OTOF: variants seen among roughly 807,000 people sequenced by gnomAD.
OTOF encodes the protein fer-1-like family member 2.
In OTOF, 218 loss-of-function variants were observed where a neutral mutation model predicts 236.8. The observed-to-expected ratio is 0.92, with a 90% CI of 0.82 to 1.03. OTOF has a LOEUF of 1.03. OTOF is among the 50% of genes least tolerant of loss of function. The probability of loss-of-function intolerance (pLI) is 0.00; values close to 1 mark genes in which losing one functional copy is unlikely to be tolerated. For missense variants in OTOF, 2,590 were observed against 2,694.4 expected, an observed-to-expected ratio of 0.96 and a Z score of 0.86; for synonymous variants, 1,041 against 1,072.5, an observed-to-expected ratio of 0.97 and a Z score of 0.57.
At position 26,458,038 on chromosome 2, in the gene OTOF, C is replaced by CT. The variant is rs1664269613; in HGVS notation, c.*199dup. 1 of 1,611,500 alleles carries CT rather than the reference C, an allele frequency of 6.2e-7. No individual in the cohort carries two copies. The highest frequency in any genetic ancestry group is 8.5e-7 in the Non-Finnish European group (1 of 1,178,010). ...GGAGCGGCTGGCGGGAGCTGGCGGCCTTCATGCCCCAAGGAGCTTTTTGAC... is the reference window on the plus strand; with the variant it reads ...GGAGCGGCTGGCGGGAGCTGGCGGCCTTTCATGCCCCAAGGAGCTTTTTGAC... On this transcript the variant is annotated 3_prime_UTR_variant, in exon 47 of 47. Coordinates refer to ENST00000272371, the MANE Select transcript of OTOF (RefSeq NM_194248.3).
rs748910961 is a variant in OTOF at position 26,484,466 on chromosome 2, G to A, written c.1205+8C>T. On this transcript the variant is annotated splice_region_variant and intron_variant, in intron 12 of 46. Coordinates refer to ENST00000272371, the MANE Select transcript of OTOF (RefSeq NM_194248.3). ...CAGACTCCAGGGGCTGGGGTAGCTG[G>A]GCCTCACCCCTCAATGTCATCTTCG... is the stretch of plus-strand genomic sequence containing the variant. The A allele has an allele frequency of 2.5e-6, 4 of 1,613,754 alleles. No homozygotes were observed. The African/African-American group carries it at 5.3e-5, about 22-fold the overall frequency.
chr2:26,514,698 G>A (rs1360468175), intron 5 of OTOF, among the ~76,000 whole-genome samples: 1 of 152,222 alleles, frequency 6.6e-6, no homozygotes, highest in Admixed American at 6.5e-5. Flanking sequence ...TACAGGGGCT[G>A]GTGACATGCC....
chr2:26,541,312 T>C (rs1329543243), intron 1 of OTOF, among the ~76,000 whole-genome samples: 1 of 152,186 alleles, frequency 6.6e-6, no homozygotes, highest in Non-Finnish European at 1.5e-5. Flanking sequence ...CATTGCAGAA[T>C]TTATACATCA....
rs1211529709 is a variant in OTOF at position 26,457,205 on chromosome 2, A to G, written c.*1033T>C. ...TTGACCAGTGCAGACCTGTCAGCTC[A>G]GTGCTTGACTTCTTTTATTTAGAGA... On this transcript the variant is annotated 3_prime_UTR_variant, in exon 47 of 47. Coordinates refer to ENST00000272371, the MANE Select transcript of OTOF (RefSeq NM_194248.3). This position sits in a 1 kb window ranked among gnomAD's most constrained non-coding sequence, Gnocchi z 4.4. 2 of 152,458 alleles carry G rather than the reference A, an allele frequency of 1.3e-5. No individual in the cohort carries two copies. Among genetic ancestry groups the G allele is most frequent in the African/African-American group, 4.8e-5 (2 of 41,488 alleles). 9.4% of individuals were successfully genotyped at this position (152,458 alleles called of 1,614,324 possible).
chr2:26,532,408 G>A (rs1006116073), intron 2 of OTOF, among the ~76,000 whole-genome samples: 1 of 152,180 alleles, frequency 6.6e-6, no homozygotes, highest in African/African-American at 2.4e-5. Flanking sequence ...TCAAGTAGCA[G>A]TTAAGCCAAA....
intron 2 of OTOF, among the ~76,000 whole-genome samples, chr2:26,532,512 C>T (rs916558748): frequency 6.6e-6 from 1 of 152,210 alleles, no homozygotes; most frequent in Non-Finnish European, 1.5e-5. Flanking sequence ...GTGCATGACG[C>T]TGTGCAGAAC....
intron 1 of OTOF, among the ~76,000 whole-genome samples, chr2:26,547,413 T>C (rs1175755652): frequency 2.0e-5 from 3 of 152,238 alleles, no homozygotes; most frequent in Non-Finnish European, 2.9e-5. Context: ...TGAGAGATAT[T>C]GGGCTGTAAT....
rs770191999 is a variant in OTOF, at chr2:26,462,077, A to C, written c.5291+6T>G. 1 of 1,584,916 alleles carries C rather than the reference A, an allele frequency of 6.3e-7. No individual in the cohort carries two copies. On this transcript the variant is annotated splice_donor_region_variant and intron_variant, in intron 42 of 46. Transcript: ENST00000272371. This position sits in a 1 kb window ranked among gnomAD's most constrained non-coding sequence, Gnocchi z 4.7. Reference sequence around the variant, plus strand: ...AGTCCCTCCCATGCAGGGACTGCTCACCCACCCCCTCACGAAGATGTCACT... The same window carrying C: ...AGTCCCTCCCATGCAGGGACTGCTCCCCCACCCCCTCACGAAGATGTCACT...
intron 9 of OTOF, among the ~76,000 whole-genome samples, chr2:26,492,665 C>T (rs1477063740): frequency 2.6e-5 from 4 of 152,100 alleles, no homozygotes; most frequent in African/African-American, 7.2e-5. Context: ...TGAACCCCTC[C>T]GAGTACATGC....
chr2:26,528,062 T>C lies in OTOF; in HGVS notation c.139-142A>G, dbSNP rs181831062. On this transcript the variant is annotated intron_variant, in intron 2 of 46. Transcript: ENST00000272371. ...CCAGTGCTCCCCAGGGACAAAGCAT[T>C]GACACCTGGAATCTCATTTAGTTCC... is the stretch of plus-strand genomic sequence containing the variant. 8.5e-6 allele frequency: 6 copies of C among 706,604 alleles called. No individual in the cohort carries two copies. In the African/African-American group the frequency reaches 8.7e-5, roughly 10 times the overall value. 43.8% of individuals were successfully genotyped at this position (706,604 alleles called of 1,614,324 possible). A position where few individuals can be genotyped will look rare whatever the true frequency, so the allele number is the denominator to read the frequency against.
chr2:26,537,151 C>T (rs1314159089), intron 2 of OTOF, among the ~76,000 whole-genome samples: 2 of 152,202 alleles, frequency 1.3e-5, no homozygotes, highest in African/African-American at 2.4e-5. Flanking sequence ...TCATGGAACC[C>T]CCAGAGCTGT....
chr2:26,476,569 CACCCCTTCCCCCACCCCTTCCCT>C (rs1325303291), intron 22 of OTOF, among the ~76,000 whole-genome samples: 14 of 69,028 alleles, frequency 2.0e-4, no homozygotes, highest in Non-Finnish European at 3.2e-4. Flanking sequence ...CCTCCTTCCC[CACCCCTTCCCCCACCCCTTCCCT>C]CACCCCTTCC....
intron 33 of OTOF, 47 bp downstream of exon 33, chr2:26,468,361 C>A (rs762316865): frequency 6.8e-7 from 1 of 1,479,934 alleles, no homozygotes. Flanking sequence ...GAGCTGACCA[C>A]CCAGGGGCGG....
intron 9 of OTOF, among the ~76,000 whole-genome samples, chr2:26,494,268 G>C (rs1012649784): frequency 6.6e-6 from 1 of 152,242 alleles, no homozygotes; most frequent in African/African-American, 2.4e-5. Context: ...GGCCTCAAAT[G>C]GCTGGAAAGA....
chr2:26,502,736 C>G (rs1305299441), intron 6 of OTOF, among the ~76,000 whole-genome samples: 1 of 152,214 alleles, frequency 6.6e-6, no homozygotes, highest in Non-Finnish European at 1.5e-5. Context: ...TACTTTTGCA[C>G]CTCTCAATAA....
intron 46 of OTOF, among the ~76,000 whole-genome samples, chr2:26,458,731 C>G (rs1264716763): frequency 1.3e-5 from 2 of 152,232 alleles, no homozygotes; most frequent in Non-Finnish European, 2.9e-5. Context: ...CGAGAAGCAC[C>G]TGGCCAGCCT....
chr2:26,555,876 A>C (rs1272577307), intron 1 of OTOF, among the ~76,000 whole-genome samples: 1 of 152,208 alleles, frequency 6.6e-6, no homozygotes, highest in Admixed American at 6.5e-5. Flanking sequence ...AAACTCTTCC[A>C]TACCTATGGT....
Position 26,473,305 on chromosome 2 carries a change from G to T in OTOF, c.3571-11C>A. 1 of 1,613,256 alleles carries T rather than the reference G, an allele frequency of 6.2e-7. No homozygotes were observed. The highest frequency in any genetic ancestry group is 8.5e-7 in the Non-Finnish European group (1 of 1,179,866). ...GTTCTCTGGGAGGTCCTGGGGTGTT[G>T]GCGACAGGAGCCTGAGCCTCCAAGA... On this transcript the variant is annotated splice_polypyrimidine_tract_variant and intron_variant, in intron 28 of 46. Coordinates refer to ENST00000272371, the MANE Select transcript of OTOF (RefSeq NM_194248.3). The surrounding 1 kb of genome is among the most constrained non-coding windows in gnomAD (Gnocchi z 7.2).
At position 26,460,999 on chromosome 2, in the gene OTOF, C is replaced by T. The variant is rs539110171; in HGVS notation, c.5565G>A (p.Pro1855=). 31 of 1,420,222 alleles carry T rather than the reference C, an allele frequency of 2.2e-5. No homozygotes were observed. The highest frequency in any genetic ancestry group is 6.0e-5 in the African/African-American group (4 of 66,948). The allele number at this position is 1,420,222 out of a possible 1,614,324, so 88.0% of individuals were successfully genotyped here. Residue 1855 remains proline (P), a synonymous_variant, in exon 44 of 47, where the codon CCG becomes CCA. Transcript: ENST00000272371. The surrounding 1 kb of genome is among the most constrained non-coding windows in gnomAD (Gnocchi z 5.3). ...ACTGCTTGGCTGTCTTTGCGCCCCG[C>T]GGGAACCGGTTCAGGTCCAGCTCGA... The part of the protein sequence containing the change: ...GAIELDLNRF[P]RGAKTAKQCT...
Sources: gnomAD v4.1 joint callset for allele counts (sites outside exome capture counted in the v4.1 genomes callset) on GRCh38, gnomAD v4.1.1 for gene constraint, Gnocchi (gnomAD v3.1) non-coding constraint, MANE v1.5 for transcripts, NCBI Gene and HGNC (gene_info 2026-07-23, HGNC 2026-07-21) for gene names.